Variants in MSI2 observed in about 807,000 individuals in gnomAD.
MSI2 encodes the protein RNA-binding protein Musashi homolog 2.
In MSI2, 17 loss-of-function variants were observed where a neutral mutation model predicts 45.6. The ratio of observed to expected loss-of-function variants is 0.37; its 90% CI spans 0.26 to 0.56. MSI2 has a LOEUF of 0.56. MSI2 is among the 20% of genes least tolerant of loss of function. MSI2 has a pLI of 0.77. For missense variants in MSI2, 293 were observed against 444.2 expected (o/e 0.66, Z 3.06); for synonymous variants, 156 against 158.2 (o/e 0.99, Z 0.11).
At chr17:57,456,603 A>G (rs975849674) in intron 6 of MSI2, among the ~76,000 whole-genome samples, 2 of 152,138 alleles carry the variant, frequency 1.3e-5, no homozygotes, top group African/African-American at 4.8e-5. Context: ...CATCTCCAAA[A>G]AAAAAAAAGG....
chr17:57,513,491 C>T (rs980636514), intron 6 of MSI2, among the ~76,000 whole-genome samples: 1 of 152,182 alleles, frequency 6.6e-6, no homozygotes, highest in Non-Finnish European at 1.5e-5. Context: ...GGTGCCCTAG[C>T]AGGCACTGTT....
intron 7 of MSI2, among the ~76,000 whole-genome samples, chr17:57,571,816 C>G (rs946550389): frequency 1.3e-5 from 2 of 152,168 alleles, no homozygotes; most frequent in African/African-American, 2.4e-5. Context: ...GCAGCTTACA[C>G]CAAATGGGAA....
intron 5 of MSI2, among the ~76,000 whole-genome samples, chr17:57,287,484 G>A (rs914939302): frequency 3.9e-5 from 6 of 152,204 alleles, no homozygotes; most frequent in Non-Finnish European, 8.8e-5. Context: ...CTAACTTGTT[G>A]CTCAGTCGCG....
chr17:57,343,242 G>C (rs558142223), intron 5 of MSI2, among the ~76,000 whole-genome samples: 94 of 152,104 alleles, frequency 6.2e-4, no homozygotes, highest in Non-Finnish European at 1.1e-3. Context: ...CAGCAACTGA[G>C]ATGAGCAAAG....
intron 6 of MSI2, among the ~76,000 whole-genome samples, chr17:57,408,357 T>G (rs2143163054): frequency 6.6e-6 from 1 of 152,338 alleles, no homozygotes; most frequent in East Asian, 1.9e-4. Context: ...GGATGCCTTC[T>G]GGGTAGCAAG....
At chr17:57,316,638 T>C (rs1912874993) in intron 5 of MSI2, among the ~76,000 whole-genome samples, 1 of 152,214 alleles carries the variant, frequency 6.6e-6, no homozygotes, top group South Asian at 2.1e-4. Flanking sequence ...TTCCTACTTT[T>C]GAGTTTGGAA....
chr17:57,487,390 G>A (rs2085776676), intron 6 of MSI2, among the ~76,000 whole-genome samples: 1 of 152,112 alleles, frequency 6.6e-6, no homozygotes, highest in Non-Finnish European at 1.5e-5. Flanking sequence ...CACATCTCCA[G>A]TTATCAGTCT....
chr17:57,652,253 G>T lies in MSI2; in HGVS notation c.790+92G>T, dbSNP rs1911213922. On this transcript the variant is annotated intron_variant, in intron 11 of 13. Coordinates refer to ENST00000284073, the MANE Select transcript of MSI2 (RefSeq NM_138962.4). The surrounding 1 kb of genome is among the most constrained non-coding windows in gnomAD (Gnocchi z 4.1). Reference sequence around the variant, plus strand: ...CTGTCGGATCTGTGTGGCTGCATCTGTCCAACACCACTCTCACCACAGCCC... The same window carrying T: ...CTGTCGGATCTGTGTGGCTGCATCTTTCCAACACCACTCTCACCACAGCCC... 6 of 1,277,528 alleles carry T rather than the reference G, an allele frequency of 4.7e-6. No homozygotes were observed. The South Asian group carries it at 6.1e-5, about 13-fold the overall frequency. The allele number at this position is 1,277,528 out of a possible 1,614,324, so 79.1% of individuals were successfully genotyped here. A position where few individuals can be genotyped will look rare whatever the true frequency, so the allele number is the denominator to read the frequency against.
Position 57,596,925 on chromosome 17 carries a change from A to C in MSI2, c.512A>C (p.His171Pro). ...GTTGTGGAGAAAGTCTGTGAGATTC[A>C]TTTCCATGAAATCAATAATAAAATG... The part of the protein sequence containing the change: ...EDVVEKVCEI[H>P]FHEINNKMVE... Residue 171 changes from histidine to proline, a missense_variant, in exon 8 of 14, where the codon CAT becomes CCT. By Grantham distance (77) the His-to-Pro change is moderately conservative (BLOSUM62 -2). Transcript: ENST00000284073. The surrounding 1 kb of genome is among the most constrained non-coding windows in gnomAD (Gnocchi z 4.6). 1 of 1,613,180 alleles carries C rather than the reference A, an allele frequency of 6.2e-7. No homozygotes were observed. The highest frequency in any genetic ancestry group is 8.5e-7 in the Non-Finnish European group (1 of 1,179,152).
intron 6 of MSI2, among the ~76,000 whole-genome samples, chr17:57,456,942 G>T (rs1321701965): frequency 1.3e-5 from 2 of 152,140 alleles, no homozygotes; most frequent in Admixed American, 1.3e-4. Flanking sequence ...CGGGTCCTGT[G>T]GTTTCATTGG....
At chr17:57,515,502 G>T (rs1238316333) in intron 6 of MSI2, among the ~76,000 whole-genome samples, 1 of 152,152 alleles carries the variant, frequency 6.6e-6, no homozygotes, top group African/African-American at 2.4e-5. Flanking sequence ...ACTGCACCTG[G>T]CCTTATCTGA....
intron 7 of MSI2, among the ~76,000 whole-genome samples, chr17:57,572,658 A>ATG (rs1194389091): frequency 6.6e-6 from 1 of 152,120 alleles, no homozygotes; most frequent in African/African-American, 2.4e-5. Flanking sequence ...GTTGGAGGGA[A>ATG]TGTGTTGCCT....
chr17:57,286,449 G>T (rs988818469), intron 5 of MSI2, among the ~76,000 whole-genome samples: 3 of 152,044 alleles, frequency 2.0e-5, no homozygotes, highest in Non-Finnish European at 4.4e-5. Flanking sequence ...GCTCATCATC[G>T]AGTCCTGGCT....
At chr17:57,595,778 C>T (rs1031678194) in intron 7 of MSI2, among the ~76,000 whole-genome samples, 1 of 152,184 alleles carries the variant, frequency 6.6e-6, no homozygotes, top group Non-Finnish European at 1.5e-5. Flanking sequence ...TGGCAGCAGA[C>T]AGCCTTGTGA....
chr17:57,435,318 G>A (rs1232545513), intron 6 of MSI2, among the ~76,000 whole-genome samples: 1 of 152,192 alleles, frequency 6.6e-6, no homozygotes, highest in African/African-American at 2.4e-5. Context: ...GGTAGTTCAA[G>A]ACTCAGAAGG....
intron 6 of MSI2, among the ~76,000 whole-genome samples, chr17:57,528,527 G>A (rs757679422): frequency 1.3e-5 from 2 of 152,160 alleles, no homozygotes; most frequent in African/African-American, 2.4e-5. Context: ...GTATTTGTTT[G>A]CTAGTACTGC....
chr17:57,557,565 AG>A (rs898147568), intron 7 of MSI2, among the ~76,000 whole-genome samples: 1 of 152,214 alleles, frequency 6.6e-6, no homozygotes, highest in African/African-American at 2.4e-5. Flanking sequence ...CCTGCCTTGA[AG>A]GGTGTGTGGC....
intron 6 of MSI2, among the ~76,000 whole-genome samples, chr17:57,421,599 T>C (rs1397998871): frequency 1.3e-5 from 2 of 152,106 alleles, no homozygotes; most frequent in African/African-American, 4.8e-5. Context: ...ACAAAATAAA[T>C]AGTCCTGGTG....
intron 6 of MSI2, among the ~76,000 whole-genome samples, chr17:57,508,712 C>T (rs184396633): frequency 1.3e-5 from 2 of 152,326 alleles, no homozygotes; most frequent in African/African-American, 2.4e-5. Context: ...CAGAGTGCAG[C>T]TCACAGATAC....
Sources: allele counts gnomAD v4.1 joint callset (sites outside exome capture counted in the v4.1 genomes callset), GRCh38; gene constraint gnomAD v4.1.1; non-coding constraint Gnocchi (gnomAD v3.1); transcripts MANE v1.5; gene names NCBI Gene and HGNC (gene_info 2026-07-23, HGNC 2026-07-21).